Variants in COL24A1 observed in about 807,000 individuals in gnomAD.
COL24A1 encodes the protein collagen type XXIV alpha 1 chain.
Under a neutral mutation model 253.9 loss-of-function variants are expected in COL24A1, and 224 were observed. The observed-to-expected ratio is 0.88, with a 90% CI of 0.79 to 0.99. The LOEUF (loss-of-function observed/expected upper bound fraction) is 0.99. Ranked by LOEUF, COL24A1 falls within the 50% of genes least tolerant of loss-of-function variation. The probability of loss-of-function intolerance (pLI) is 0.00; values close to 1 mark genes in which losing one functional copy is unlikely to be tolerated. For synonymous variants in COL24A1, 685 were observed against 673.7 expected, an observed-to-expected ratio of 1.02 and a Z score of -0.26; for missense variants, 2,131 against 2,068.5, an observed-to-expected ratio of 1.03 and a Z score of -0.59.
chr1:85,861,575 GA>G (rs1431572326), intron 37 of COL24A1, among the ~76,000 whole-genome samples: 2 of 152,228 alleles, frequency 1.3e-5, no homozygotes, highest in South Asian at 2.1e-4. Flanking sequence ...TTCTGCAGTA[GA>G]AGGAAGGGTT....
rs569227705 is a variant in COL24A1 at position 85,890,802 on chromosome 1, G to A, written c.2923-1189C>T. Among the ~76,000 whole-genome samples the A allele has an allele frequency of 5.7e-4, 87 of 152,224 alleles. 1 individual carries two copies. The Middle Eastern group carries it at 0.017, about 30-fold the overall frequency. On this transcript the variant is annotated intron_variant, in intron 31 of 59. Coordinates refer to ENST00000370571, the MANE Select transcript of COL24A1 (RefSeq NM_152890.7). Reference sequence around the variant, plus strand: ...GACTTTTGCCTTTAAACCCTGGCAAGGCACAGGAGTCTTGGAACCTAGATA... The same window carrying A: ...GACTTTTGCCTTTAAACCCTGGCAAAGCACAGGAGTCTTGGAACCTAGATA...
intron 43 of COL24A1, among the ~76,000 whole-genome samples, chr1:85,838,127 C>T (rs1676216302): frequency 6.6e-6 from 1 of 152,032 alleles, no homozygotes; most frequent in African/African-American, 2.4e-5. Flanking sequence ...TACTATATAC[C>T]AGGAACTTTG....
At chr1:86,045,280 G>A (rs112390807) in intron 12 of COL24A1, among the ~76,000 whole-genome samples, 115 of 152,222 alleles carry the variant, frequency 7.6e-4, no homozygotes, top group African/African-American at 2.5e-3. Context: ...GTGAGCCACC[G>A]CGCCCAGCCT....
chr1:85,873,189 A>G (rs866429898), intron 35 of COL24A1, among the ~76,000 whole-genome samples: 5 of 152,078 alleles, frequency 3.3e-5, no homozygotes, highest in African/African-American at 1.2e-4. Flanking sequence ...GAAACAACAA[A>G]TGCTGGAGAG....
At chr1:86,079,037 T>C (rs1290869081) in intron 7 of COL24A1, among the ~76,000 whole-genome samples, 1 of 152,070 alleles carries the variant, frequency 6.6e-6, no homozygotes, top group Non-Finnish European at 1.5e-5. Flanking sequence ...AGGAATCACA[T>C]TACCTGATTT....
At chr1:86,108,996 G>A (rs1177974870) in intron 5 of COL24A1, among the ~76,000 whole-genome samples, 1 of 152,164 alleles carries the variant, frequency 6.6e-6, no homozygotes, top group Non-Finnish European at 1.5e-5. Flanking sequence ...AGAAGGGGGA[G>A]AAGAATAAAA....
At chr1:85,857,575 T>C (rs1678586961) in intron 37 of COL24A1, among the ~76,000 whole-genome samples, 1 of 151,706 alleles carries the variant, frequency 6.6e-6, no homozygotes, top group South Asian at 2.1e-4. Flanking sequence ...CCTGTCCCAA[T>C]TAGCACAAAT....
At chr1:85,745,558 C>T in intron 55 of COL24A1, 52 bp from the exon 56 acceptor site, 1 of 1,344,682 alleles carries the variant, frequency 7.4e-7, no homozygotes. Flanking sequence ...CACTGAGTGC[C>T]CTAAAGTAAA....
intron 12 of COL24A1, among the ~76,000 whole-genome samples, chr1:86,037,407 G>C (rs1015534439): frequency 2.0e-5 from 3 of 152,192 alleles, no homozygotes; most frequent in Non-Finnish European, 4.4e-5. Flanking sequence ...TTATGAGTTT[G>C]ATGAAGTAAG....
At chr1:86,156,214 C>T (rs1653590655) in intron 1 of COL24A1, 127 bp downstream of exon 1, 9 of 752,706 alleles carry the variant, frequency 1.2e-5, no homozygotes, top group African/African-American at 1.8e-5. Flanking sequence ...CGCGGGTACT[C>T]GGCCGCTCCT....
intron 24 of COL24A1, among the ~76,000 whole-genome samples, chr1:85,938,333 C>T (rs1377895183): frequency 6.8e-6 from 1 of 146,720 alleles, no homozygotes; most frequent in African/African-American, 2.5e-5. Context: ...AAAGGGAACA[C>T]ATTTTCACCA....
chr1:85,858,875 A>G (rs1214144366), intron 37 of COL24A1, among the ~76,000 whole-genome samples: 1 of 151,966 alleles, frequency 6.6e-6, no homozygotes, highest in East Asian at 1.9e-4. Flanking sequence ...AGCTGGGACC[A>G]CAGGTGTAAG....
chr1:85,833,361 C>T (rs1301950790), intron 43 of COL24A1, among the ~76,000 whole-genome samples: 2 of 152,042 alleles, frequency 1.3e-5, no homozygotes, highest in African/African-American at 4.8e-5. Context: ...AAACACATGA[C>T]AAAATGCTCA....
chr1:86,150,273 C>T (rs1288687466), intron 1 of COL24A1, among the ~76,000 whole-genome samples: 1 of 152,164 alleles, frequency 6.6e-6, no homozygotes, highest in African/African-American at 2.4e-5. Flanking sequence ...TGTTATACTC[C>T]TATAAGTCCT....
intron 24 of COL24A1, among the ~76,000 whole-genome samples, chr1:85,948,946 C>G (rs1319996336): frequency 6.6e-6 from 1 of 151,888 alleles, no homozygotes. Context: ...CAAAGAATTG[C>G]CAATTACTTA....
chr1:86,034,132 T>C (rs1698814327), intron 12 of COL24A1, among the ~76,000 whole-genome samples: 1 of 152,130 alleles, frequency 6.6e-6, no homozygotes, highest in Non-Finnish European at 1.5e-5. Flanking sequence ...CTATATGTTA[T>C]AAAAATTATT....
At chr1:86,034,516 G>A (rs531660868) in intron 12 of COL24A1, among the ~76,000 whole-genome samples, 1 of 152,178 alleles carries the variant, frequency 6.6e-6, no homozygotes, top group African/African-American at 2.4e-5. Context: ...GTGAATGGAG[G>A]CAGACCGATT....
At chr1:86,019,321 C>T (rs577836986) in intron 18 of COL24A1, among the ~76,000 whole-genome samples, 12 of 152,028 alleles carry the variant, frequency 7.9e-5, no homozygotes, top group South Asian at 4.2e-4. Context: ...TCTAGGAGGC[C>T]GAGGTAAGAG....
chr1:85,890,902 G>A (rs1234799710), intron 31 of COL24A1, among the ~76,000 whole-genome samples: 1 of 152,058 alleles, frequency 6.6e-6, no homozygotes, highest in African/African-American at 2.4e-5. Context: ...CCATAAAAGA[G>A]CATCTCAGAT....
Sources: gnomAD v4.1 joint callset for allele counts (sites outside exome capture counted in the v4.1 genomes callset) on GRCh38, gnomAD v4.1.1 for gene constraint, MANE v1.5 for transcripts, NCBI Gene and HGNC (gene_info 2026-07-23, HGNC 2026-07-21) for gene names.